The following ZNF84 variants were observed in gnomAD, a reference collection of about 807,000 sequenced individuals.
ZNF84 encodes zinc finger protein HPF2.
Under a neutral mutation model 14.8 loss-of-function variants are expected in ZNF84, and 12 were observed. That is an observed-to-expected ratio of 0.81 (90% CI 0.52 to 1.31). ZNF84 has a LOEUF of 1.31. Among genes scored for constraint, ZNF84 ranks in the 50% most tolerant of loss-of-function variants. The pLI, the probability that ZNF84 is intolerant of heterozygous loss-of-function variation, is 0.00. For missense variants in ZNF84, 859 were observed against 878.6 expected, an observed-to-expected ratio of 0.98 and a Z score of 0.28; for synonymous variants, 347 against 291.1, an observed-to-expected ratio of 1.19 and a Z score of -1.96.
intron 4 of ZNF84, among the ~76,000 whole-genome samples, chr12:133,053,692 A>G (rs1954106953): frequency 2.0e-5 from 3 of 152,174 alleles, no homozygotes; most frequent in African/African-American, 7.2e-5. Flanking sequence ...GCAGTGAGCT[A>G]TAATTGCACC....
rs1954230932 is a variant in ZNF84, at chr12:133,059,985, C to T, written c.*1053C>T. The T allele has an allele frequency of 6.6e-6, 1 of 152,096 alleles. No individual in the cohort carries two copies. Among genetic ancestry groups the T allele is most frequent in the South Asian group, 2.1e-4 (1 of 4,822 alleles). 9.4% of individuals were successfully genotyped at this position (152,096 alleles called of 1,614,324 possible). ...AATAAATATGCAAAGGCAGGAACCA[C>T]AGAATAACCATAGTAATATATAACT... On this transcript the variant is annotated 3_prime_UTR_variant, in exon 5 of 5. Coordinates refer to ENST00000539354, the MANE Select transcript of ZNF84 (RefSeq NM_001289971.2).
Position 133,048,750 on chromosome 12 carries a change from CAG to C in ZNF84, c.143-2_143-1del. 1.2e-6 allele frequency: 2 copies of C among 1,612,810 alleles called. No homozygotes were observed. Among genetic ancestry groups the C allele is most frequent in the South Asian group, 1.1e-5 (1 of 90,934 alleles). ...AAGGCCTTTGTGATTTTTCCCTTAA[CAG>C]GGTATGAAGTTATGAAACCAGATGT... On this transcript the variant is annotated splice_acceptor_variant, in intron 3 of 4. Coordinates refer to ENST00000539354, the MANE Select transcript of ZNF84 (RefSeq NM_001289971.2). LOFTEE classifies it high-confidence loss of function.
In ZNF84 at chr12:133,058,179, A is replaced by G. The variant is rs1323675740; in HGVS notation, c.1464A>G (p.Glu488=). 2.5e-6 allele frequency: 4 copies of G among 1,613,996 alleles called. No homozygotes were observed. In the African/African-American group the frequency reaches 5.3e-5, roughly 22 times the overall value. The change falls in exon 5 of 5, where the codon GAA becomes GAG. Residue 488 remains glutamate (E), a synonymous_variant. Transcript: ENST00000539354. ...CTCATACGGGAGAAAAACCGTATGA[A>G]TGCAGTGAGTGTGGGAAAGCTTTCA... The part of the protein sequence containing the change: ...QRTHTGEKPY[E]CSECGKAFSE...
rs1051443663 is a variant in ZNF84 at position 133,048,618 on chromosome 12, G to C, written c.143-135G>C. On this transcript the variant is annotated intron_variant, in intron 3 of 4. Coordinates refer to ENST00000539354, the MANE Select transcript of ZNF84 (RefSeq NM_001289971.2). ...TTAGCCACCAAGGGAGACCGTTACT[G>C]TAACTTTGAGAATTACTTACTCTGT... 1.8e-5 allele frequency: 11 copies of C among 604,494 alleles called. 1 individual carries two copies. In the South Asian group the frequency reaches 2.2e-4, roughly 12 times the overall value. 37.4% of individuals were successfully genotyped at this position (604,494 alleles called of 1,614,324 possible). A position where few individuals can be genotyped will look rare whatever the true frequency, so the allele number is the denominator to read the frequency against.
chr12:133,057,390 T>C lies in ZNF84; in HGVS notation c.675T>C (p.His225=). The C allele has an allele frequency of 1.2e-6, 2 of 1,614,140 alleles. No homozygotes were observed. The highest frequency in any genetic ancestry group is 1.7e-6 in the Non-Finnish European group (2 of 1,180,042). The change falls in exon 5 of 5, where the codon CAT becomes CAC. Residue 225 remains histidine, a synonymous_variant. Transcript: ENST00000539354. ...GTAAGAAACCAAGTCTCATTAAACA[T>C]CAGAGCAGACATATAAGAGACATAG... ...RFSKKPSLIK[H]QSRHIRDIAF...
In ZNF84 at chr12:133,041,389, C is replaced by T. The variant is rs1953885119; in HGVS notation, c.-79C>T. 2 of 1,467,170 alleles carry T rather than the reference C, an allele frequency of 1.4e-6. No individual in the cohort carries two copies. The highest frequency in any genetic ancestry group is 1.9e-6 in the Non-Finnish European group (2 of 1,049,036). 90.9% of individuals were successfully genotyped at this position (1,467,170 alleles called of 1,614,324 possible). On this transcript the variant is annotated 5_prime_UTR_variant, in exon 2 of 5. Transcript: ENST00000539354. ...AAGACCTAGCTGAGACCTCACTCCACAGTTTTGGGGCAGAAGCAGAAGAGA... is the reference window on the plus strand; with the variant it reads ...AAGACCTAGCTGAGACCTCACTCCATAGTTTTGGGGCAGAAGCAGAAGAGA...
chr12:133,057,891 A>G lies in ZNF84; in HGVS notation c.1176A>G (p.Arg392=). The G allele has an allele frequency of 6.2e-7, 1 of 1,613,650 alleles. No homozygotes were observed. The highest frequency in any genetic ancestry group is 8.5e-7 in the Non-Finnish European group (1 of 1,179,672). Residue 392 remains arginine (R), a synonymous_variant, in exon 5 of 5, where the codon AGA becomes AGG. Transcript: ENST00000539354. The part of the protein sequence containing the change: ...KAFFEKSELI[R]HQTIHTGEKP... ...TCTTTGAGAAGTCAGAGCTTATTAG[A>G]CATCAGACAATTCATACTGGAGAGA...
In ZNF84 at chr12:133,058,655, G is replaced by A. The variant is rs917624709; in HGVS notation, c.1940G>A (p.Arg647Lys). Residue 647 changes from arginine (R) to lysine (K), a missense_variant, in exon 5 of 5, where the codon AGA becomes AAA. Coordinates refer to ENST00000539354, the MANE Select transcript of ZNF84 (RefSeq NM_001289971.2). ...AAGTCAAGTCTCATCAATCATCAGA[G>A]AATACATACAGGAGAGAAGCCTTTT... The part of the protein sequence containing the change: ...REKSSLINHQ[R>K]IHTGEKPFEC... 7 of 1,614,012 alleles carry A rather than the reference G, an allele frequency of 4.3e-6. No individual in the cohort carries two copies. Among genetic ancestry groups the A allele is most frequent in the Non-Finnish European group, 5.9e-6 (7 of 1,180,028 alleles).
intron 3 of ZNF84, 194 bp from the exon 4 acceptor site, chr12:133,048,559 T>G: frequency 2.3e-6 from 1 of 431,232 alleles, no homozygotes; most frequent in South Asian, 3.3e-5. Context: ...CTCCAGAGCC[T>G]CTGAAGTGTT....
At chr12:133,045,330 G>A (rs1166662524) in intron 2 of ZNF84, among the ~76,000 whole-genome samples, 1 of 152,150 alleles carries the variant, frequency 6.6e-6, no homozygotes, top group Non-Finnish European at 1.5e-5. Context: ...AATTAGCTGG[G>A]CGTAGTGGCA....
In ZNF84 at chr12:133,058,414, G is replaced by GGAGAAAAACCGTATGAATGCAGGGACT. The variant is rs1954199681; in HGVS notation, c.1701_1727dup (p.Asp575_Cys576insTer). The GGAGAAAAACCGTATGAATGCAGGGACT allele has an allele frequency of 6.2e-7, 1 of 1,613,964 alleles. No homozygotes were observed. ...TGCAACTCATCAGAGAACTCATACT[G>GGAGAAAAACCGTATGAATGCAGGGACT]GAGAAAAACCGTATGAATGCAGGGA... On this transcript the variant is annotated stop_gained and inframe_insertion, in exon 5 of 5. Transcript: ENST00000539354. LOFTEE classifies it low-confidence loss of function (END_TRUNC).
Position 133,046,347 on chromosome 12 carries a change from G to GGTTTGTTTTTTTTT in ZNF84, c.16-1608_16-1607insGTTTGTTTTTTTTT, listed in dbSNP as rs1953976790. 1.7e-5 allele frequency among the ~76,000 whole-genome samples: 2 copies of GGTTTGTTTTTTTTT among 116,406 alleles called. 1 individual carries two copies. The allele number at this position is 116,406 out of a possible 152,430, so 76.4% of individuals were successfully genotyped here. A position where few individuals can be genotyped will look rare whatever the true frequency, so the allele number is the denominator to read the frequency against. ...TTTTTGTATCTCTTCAGTCCTCACA[G>GGTTTGTTTTTTTTT]TTTTTTTTTTTTTTTTTTTTTTTTT... On this transcript the variant is annotated intron_variant, in intron 2 of 4. Transcript: ENST00000539354.
At chr12:133,041,543 C>G in intron 2 of ZNF84, 61 bp downstream of exon 2, 3 of 1,551,372 alleles carry the variant, frequency 1.9e-6, no homozygotes, top group Non-Finnish European at 1.8e-6. Flanking sequence ...TATAAGCCTT[C>G]CGGTGAAAAA....
Position 133,058,366 on chromosome 12 carries a change from G to A in ZNF84, c.1651G>A (p.Ala551Thr). The A allele has an allele frequency of 6.2e-7, 1 of 1,614,064 alleles. No individual in the cohort carries two copies. Residue 551 changes from alanine to threonine, a missense_variant, in exon 5 of 5, where the codon GCC becomes ACC. Coordinates refer to ENST00000539354, the MANE Select transcript of ZNF84 (RefSeq NM_001289971.2). ...KPYECSECGK[A>T]FGEKSSLATH... Reference sequence around the variant, plus strand: ...CTATGAATGCAGTGAATGTGGGAAGGCCTTTGGTGAGAAGTCAAGTCTTGC... The same window carrying A: ...CTATGAATGCAGTGAATGTGGGAAGACCTTTGGTGAGAAGTCAAGTCTTGC...
rs1954259432 is a variant in ZNF84 at position 133,061,274 on chromosome 12, AG to A, written c.*2344del. On this transcript the variant is annotated 3_prime_UTR_variant, in exon 5 of 5. Coordinates refer to ENST00000539354, the MANE Select transcript of ZNF84 (RefSeq NM_001289971.2). ...GACCTCAAGTGGATCACTTGAGGTC[AG>A]GAGTTGAAGACCAGCATGTTCATGG... The A allele has an allele frequency of 6.6e-6, 1 of 152,160 alleles. No homozygotes were observed. Among genetic ancestry groups the A allele is most frequent in the Admixed American group, 6.5e-5 (1 of 15,280 alleles). 9.4% of individuals were successfully genotyped at this position (152,160 alleles called of 1,614,324 possible). A position where few individuals can be genotyped will look rare whatever the true frequency, so the allele number is the denominator to read the frequency against.
chr12:133,060,349 TTTATC>T lies in ZNF84; in HGVS notation c.*1420_*1424del, dbSNP rs1177533503. On this transcript the variant is annotated 3_prime_UTR_variant, in exon 5 of 5. Coordinates refer to ENST00000539354, the MANE Select transcript of ZNF84 (RefSeq NM_001289971.2). ...ATTTTTGACATTCAAGGATGCCTAT[TTTATC>T]TTCTAGCAAATTTCTGTGGTCCCTG... The T allele has an allele frequency of 6.6e-6, 1 of 152,206 alleles. No homozygotes were observed. The highest frequency in any genetic ancestry group is 2.4e-5 in the African/African-American group (1 of 41,458). The allele number at this position is 152,206 out of a possible 1,614,324, so 9.4% of individuals were successfully genotyped here.
intron 2 of ZNF84, among the ~76,000 whole-genome samples, chr12:133,043,756 T>C (rs1276837826): frequency 1.6e-4 from 25 of 152,174 alleles, no homozygotes; most frequent in African/African-American, 6.0e-4. Flanking sequence ...ATTTTTTTAA[T>C]TTTTTTATTT....
Position 133,057,907 on chromosome 12 carries a change from A to T in ZNF84, c.1192A>T (p.Thr398Ser), listed in dbSNP as rs1954189917. 6.2e-7 allele frequency: 1 copy of T among 1,614,044 alleles called. No individual in the cohort carries two copies. ...GCTTATTAGACATCAGACAATTCAT[A>T]CTGGAGAGAAACCCTATGAATGCAG... ...SELIRHQTIH[T>S]GEKPYECSEC... The change falls in exon 5 of 5, where the codon ACT becomes TCT. Residue 398 changes from threonine (T) to serine (S), a missense_variant. By Grantham distance (58) the Thr-to-Ser change is moderately conservative. Coordinates refer to ENST00000539354, the MANE Select transcript of ZNF84 (RefSeq NM_001289971.2).
intron 4 of ZNF84, among the ~76,000 whole-genome samples, chr12:133,053,269 G>C (rs1954100761): frequency 6.6e-6 from 1 of 152,188 alleles, no homozygotes; most frequent in African/African-American, 2.4e-5. Context: ...AAAAAGTAAA[G>C]ATGGGGGAAG....
Sources: allele counts gnomAD v4.1 joint callset (sites outside exome capture counted in the v4.1 genomes callset), GRCh38; gene constraint gnomAD v4.1.1; transcripts MANE v1.5; gene names NCBI Gene and HGNC (gene_info 2026-07-23, HGNC 2026-07-21).